GABRG3: variants seen among roughly 807,000 people sequenced by gnomAD.
GABRG3 encodes the protein gamma-aminobutyric acid type A receptor subunit gamma3, also known as gamma-aminobutyric acid receptor subunit gamma-3.
Under a neutral mutation model 48.8 loss-of-function variants are expected in GABRG3, and 25 were observed. The observed-to-expected ratio is 0.51, with a 90% confidence interval of 0.37 to 0.72. The LOEUF (loss-of-function observed/expected upper bound fraction) is 0.72, where lower values mean the gene tolerates loss of function less well. Ranked by LOEUF, GABRG3 falls within the 30% of genes least tolerant of loss-of-function variation. GABRG3 has a pLI of 0.00. For synonymous variants in GABRG3, 227 were observed against 217.6 expected, an observed-to-expected ratio of 1.04 and a Z score of -0.38; for missense variants, 394 against 577.9, an observed-to-expected ratio of 0.68 and a Z score of 3.26.
intron 5 of GABRG3, among the ~76,000 whole-genome samples, chr15:27,372,746 A>G (rs952568740): frequency 1.3e-5 from 2 of 152,154 alleles, no homozygotes; most frequent in African/African-American, 4.8e-5. Context: ...GCCTGTTTCA[A>G]TGGTCCAGCT....
At chr15:27,040,704 A>G (rs1896260674) in intron 3 of GABRG3, among the ~76,000 whole-genome samples, 1 of 152,236 alleles carries the variant, frequency 6.6e-6, no homozygotes, top group African/African-American at 2.4e-5. Context: ...TAGAGTTATC[A>G]AAGAAAGTAT....
intron 3 of GABRG3, chr15:27,294,699 A>ACAG (rs1229516751): frequency 2.6e-5 from 4 of 152,172 alleles, no homozygotes; most frequent in African/African-American, 7.2e-5. Flanking sequence ...AGGGTGAGGC[A>ACAG]CAGCAGCCTG....
intron 2 of GABRG3, among the ~76,000 whole-genome samples, chr15:27,005,100 T>G (rs937851302): frequency 2.0e-5 from 3 of 152,234 alleles, no homozygotes; most frequent in Non-Finnish European, 4.4e-5. Context: ...ACAGGTGGTA[T>G]AACAGTTTTA....
intron 3 of GABRG3, among the ~76,000 whole-genome samples, chr15:27,104,553 C>T (rs1056291325): frequency 2.0e-5 from 3 of 152,210 alleles, no homozygotes; most frequent in African/African-American, 7.2e-5. Flanking sequence ...TGTCTAGTGA[C>T]GTGCTGTGCA....
chr15:27,487,932 C>T (rs547358361), intron 6 of GABRG3, among the ~76,000 whole-genome samples: 76 of 152,208 alleles, frequency 5.0e-4, no homozygotes, highest in Non-Finnish European at 6.2e-4. Flanking sequence ...TATCCCATGA[C>T]GCAAATGACA....
At chr15:26,973,909 G>GTAA (rs1894889576) in intron 1 of GABRG3, among the ~76,000 whole-genome samples, 1 of 152,180 alleles carries the variant, frequency 6.6e-6, no homozygotes, top group African/African-American at 2.4e-5. Flanking sequence ...AACAATGCAA[G>GTAA]TAACAGTGCT....
chr15:27,436,995 TAGAG>T (rs10549691), intron 5 of GABRG3, among the ~76,000 whole-genome samples: 22,117 of 130,458 alleles, frequency 0.17, 2,361 homozygotes, highest in African/African-American at 0.33. Context: ...CTCCGAAAAA[TAGAG>T]AGAGAGAGAG....
chr15:27,181,989 TATA>T (rs901983688), intron 3 of GABRG3, among the ~76,000 whole-genome samples: 26 of 148,858 alleles, frequency 1.7e-4, no homozygotes, highest in African/African-American at 5.6e-4. Flanking sequence ...TAATATATAA[TATA>T]ATAATATTAT....
chr15:27,266,456 C>A lies in GABRG3; in HGVS notation c.271-60353C>A, dbSNP rs1324300428. ...TGGATTACTGTAGCTTTCTAATAAACCTTGAAATCAGATTTTGATCCTGCA... is the reference window on the plus strand; with the variant it reads ...TGGATTACTGTAGCTTTCTAATAAAACTTGAAATCAGATTTTGATCCTGCA... On this transcript the variant is annotated intron_variant, in intron 3 of 9. Coordinates refer to ENST00000615808, the MANE Select transcript of GABRG3 (RefSeq NM_033223.5). Among the ~76,000 whole-genome samples the A allele has an allele frequency of 2.0e-5, 3 of 152,252 alleles. No individual in the cohort carries two copies. In the East Asian group the frequency reaches 5.8e-4, roughly 29 times the overall value.
At chr15:27,341,302 A>G (rs1389152236) in intron 5 of GABRG3, among the ~76,000 whole-genome samples, 2 of 152,128 alleles carry the variant, frequency 1.3e-5, no homozygotes, top group Non-Finnish European at 2.9e-5. Flanking sequence ...TTGGGGGTAG[A>G]GAGTAAAAGA....
In GABRG3 at chr15:27,494,728, TG is replaced by T. The variant is rs571317063; in HGVS notation, c.712+13948del. Among the ~76,000 whole-genome samples, 79 of 152,222 alleles carry T rather than the reference TG, an allele frequency of 5.2e-4. 2 individuals are homozygous for T. The South Asian group carries it at 0.016, about 31-fold the overall frequency. ...TATTGGCAATTTGCTATTATCTTTTTGGGGGGGCCGGTTCTCCTAGTGGTTT... is the reference window on the plus strand; with the variant it reads ...TATTGGCAATTTGCTATTATCTTTTTGGGGGGCCGGTTCTCCTAGTGGTTT... On this transcript the variant is annotated intron_variant, in intron 6 of 9. Coordinates refer to ENST00000615808, the MANE Select transcript of GABRG3 (RefSeq NM_033223.5).
intron 5 of GABRG3, among the ~76,000 whole-genome samples, chr15:27,329,788 G>A (rs1201841626): frequency 6.6e-6 from 1 of 152,100 alleles, no homozygotes; most frequent in East Asian, 1.9e-4. Flanking sequence ...CATATAAAAG[G>A]AATATCAAAT....
intron 3 of GABRG3, among the ~76,000 whole-genome samples, chr15:27,100,519 G>A (rs1405238058): frequency 1.3e-5 from 2 of 152,042 alleles, no homozygotes; most frequent in Admixed American, 1.3e-4. Flanking sequence ...GATAAAGACA[G>A]CATAAAAAAG....
At chr15:27,414,376 G>T (rs1436239607) in intron 5 of GABRG3, among the ~76,000 whole-genome samples, 1 of 152,058 alleles carries the variant, frequency 6.6e-6, no homozygotes, top group African/African-American at 2.4e-5. Context: ...GTGAGCCGTG[G>T]CTTTCTTAAC....
At chr15:27,120,759 A>G (rs1448571265) in intron 3 of GABRG3, among the ~76,000 whole-genome samples, 7 of 152,054 alleles carry the variant, frequency 4.6e-5, no homozygotes, top group Non-Finnish European at 1.0e-4. Flanking sequence ...CTTACAGGAA[A>G]TGTATTAAAA....
At chr15:27,382,934 G>C (rs12913584) in intron 5 of GABRG3, among the ~76,000 whole-genome samples, 60,451 of 151,904 alleles carry the variant, frequency 0.4, 12,257 homozygotes, top group East Asian at 0.51. Flanking sequence ...GAGTGTGCTT[G>C]GATATATTAA....
intron 5 of GABRG3, among the ~76,000 whole-genome samples, chr15:27,351,002 T>C (rs973685720): frequency 1.3e-5 from 2 of 151,142 alleles, no homozygotes; most frequent in Non-Finnish European, 3.0e-5. Context: ...ATGCATTTAC[T>C]TGTGTGTATG....
rs182385617 is a variant in GABRG3, at chr15:26,975,928, A to C, written c.54-1074A>C. ...AAAGGAAAAGTTTGGTTTGTTTCACATGCTTTCTTGCTGGGGTCAATGGTA... is the reference window on the plus strand; with the variant it reads ...AAAGGAAAAGTTTGGTTTGTTTCACCTGCTTTCTTGCTGGGGTCAATGGTA... On this transcript the variant is annotated intron_variant, in intron 1 of 9. Transcript: ENST00000615808. This position sits in a 1 kb window ranked among gnomAD's most constrained non-coding sequence, Gnocchi z 4.6. Among the ~76,000 whole-genome samples, 5 of 152,158 alleles carry C rather than the reference A, an allele frequency of 3.3e-5. No individual in the cohort carries two copies.
At chr15:27,066,360 A>G (rs1896737719) in intron 3 of GABRG3, among the ~76,000 whole-genome samples, 1 of 151,888 alleles carries the variant, frequency 6.6e-6, no homozygotes, top group African/African-American at 2.4e-5. Context: ...TTTTGGAGGG[A>G]TAGGGCTGTT....
Sources: gnomAD v4.1 joint callset for allele counts (sites outside exome capture counted in the v4.1 genomes callset) on GRCh38, gnomAD v4.1.1 for gene constraint, Gnocchi (gnomAD v3.1) non-coding constraint, MANE v1.5 for transcripts, NCBI Gene and HGNC (gene_info 2026-07-23, HGNC 2026-07-21) for gene names.